Variants in MTA3 observed in about 807,000 individuals in gnomAD.
The protein encoded by MTA3 is metastasis-associated protein MTA3.
MTA3 carries 34 observed loss-of-function variants against 83.5 expected under a neutral mutation model. That is an observed-to-expected ratio of 0.41 (90% CI 0.31 to 0.54). The LOEUF is 0.54. MTA3 is among the 20% of genes least tolerant of loss of function. The pLI, the probability that MTA3 is intolerant of heterozygous loss-of-function variation, is 0.33. For missense variants in MTA3, 761 were observed against 726.4 expected (o/e 1.05, Z -0.55); for synonymous variants, 303 against 252.7 (o/e 1.20, Z -1.89).
intron 9 of MTA3, among the ~76,000 whole-genome samples, chr2:42,687,392 A>G (rs572733895): frequency 6.6e-6 from 1 of 152,264 alleles, no homozygotes; most frequent in Admixed American, 6.5e-5. Flanking sequence ...TCAGTCGTTC[A>G]TTTTCACTGC....
chr2:42,494,354 G>T (rs1378059733), upstream of MTA3, among the ~76,000 whole-genome samples: 1 of 152,194 alleles, frequency 6.6e-6, no homozygotes, highest in Non-Finnish European at 1.5e-5. Context: ...CTGGTTCAAA[G>T]CCCAGTGTGG....
intron 2 of MTA3, among the ~76,000 whole-genome samples, chr2:42,556,856 C>T (rs1241878673): frequency 6.6e-6 from 1 of 152,012 alleles, no homozygotes; most frequent in African/African-American, 2.4e-5. Flanking sequence ...CTTCAGGGCC[C>T]GTTAGAAAAG....
At chr2:42,507,323 G>A (rs766730091) in intron 2 of MTA3, among the ~76,000 whole-genome samples, 1 of 151,776 alleles carries the variant, frequency 6.6e-6, no homozygotes. Flanking sequence ...GGGCATGCAT[G>A]ACCACACCCA....
intron 16 of MTA3, among the ~76,000 whole-genome samples, chr2:42,752,002 A>C (rs192543188): frequency 1.2e-4 from 18 of 152,306 alleles, no homozygotes; most frequent in African/African-American, 4.3e-4. Flanking sequence ...GTCTACATTC[A>C]AATCTTGACT....
Position 42,716,519 on chromosome 2 carries a change from C to T in MTA3, c.1526-2469C>T, listed in dbSNP as rs183518485. 3.7e-3 allele frequency among the ~76,000 whole-genome samples: 567 copies of T among 152,238 alleles called. 4 individuals are homozygous for T. The highest frequency in any genetic ancestry group is 0.012 in the African/African-American group (501 of 41,544). Reference sequence around the variant, plus strand: ...CCAATAGGCCCCAGTGTCTGTTGCTCCCCTCTGTGCATCCATGAGTTCTCA... The same window carrying T: ...CCAATAGGCCCCAGTGTCTGTTGCTTCCCTCTGTGCATCCATGAGTTCTCA... On this transcript the variant is annotated intron_variant, in intron 14 of 16. Coordinates refer to ENST00000405094, the MANE Select transcript of MTA3 (RefSeq NM_001330442.2).
chr2:42,716,540 T>C (rs1367045108), intron 14 of MTA3, among the ~76,000 whole-genome samples: 2 of 152,176 alleles, frequency 1.3e-5, no homozygotes, highest in Non-Finnish European at 2.9e-5. Flanking sequence ...ATCCATGAGT[T>C]CTCATCATTT....
chr2:42,665,998 C>G (rs1159164643), intron 8 of MTA3, among the ~76,000 whole-genome samples: 12 of 152,188 alleles, frequency 7.9e-5, no homozygotes, highest in Admixed American at 7.2e-4. Flanking sequence ...TAACTGTTGG[C>G]CAGGTGCCGT....
chr2:42,675,442 T>A (rs1240426036), intron 8 of MTA3, among the ~76,000 whole-genome samples: 2 of 152,098 alleles, frequency 1.3e-5, no homozygotes, highest in African/African-American at 4.8e-5. Context: ...GCCTCAAAAT[T>A]CTTTTTCTTA....
rs1173783991 is a variant in MTA3, at chr2:42,577,091, T to TAAA, written c.97-2003_97-2001dup. ...CCTGGCAACAGAATGGTACTCCATC[T>TAAA]AAAAAAAAAAAAAAATATATATATA... is the stretch of plus-strand genomic sequence containing the variant. On this transcript the variant is annotated intron_variant, in intron 2 of 16. Transcript: ENST00000405094. 8.1e-3 allele frequency among the ~76,000 whole-genome samples: 156 copies of TAAA among 19,178 alleles called. 1 individual carries two copies. The highest frequency in any genetic ancestry group is 0.071 in the Middle Eastern group (1 of 14). The allele number at this position is 19,178 out of a possible 152,430, so 12.6% of individuals were successfully genotyped here.
At chr2:42,572,890 G>C (rs2103840958) in intron 2 of MTA3, among the ~76,000 whole-genome samples, 1 of 152,146 alleles carries the variant, frequency 6.6e-6, no homozygotes, top group East Asian at 1.9e-4. Flanking sequence ...ACCATGCCTG[G>C]CTGTTTTTTG....
At chr2:42,726,361 T>C (rs574876929) in intron 16 of MTA3, among the ~76,000 whole-genome samples, 5 of 152,136 alleles carry the variant, frequency 3.3e-5, no homozygotes, top group African/African-American at 9.6e-5. Flanking sequence ...TTTTTAATTT[T>C]ATTATTATTG....
intron 16 of MTA3, among the ~76,000 whole-genome samples, chr2:42,748,617 C>T (rs903066049): frequency 6.6e-6 from 1 of 152,140 alleles, no homozygotes; most frequent in Non-Finnish European, 1.5e-5. Flanking sequence ...GATTCTTTAG[C>T]GTATTTATAG....
At chr2:42,513,532 G>A (rs573419954) in intron 2 of MTA3, among the ~76,000 whole-genome samples, 46 of 152,282 alleles carry the variant, frequency 3.0e-4, no homozygotes, top group African/African-American at 9.9e-4. Flanking sequence ...CAATAGTGAG[G>A]CCACATCTAA....
intron 9 of MTA3, among the ~76,000 whole-genome samples, chr2:42,694,435 A>G (rs895900701): frequency 6.6e-6 from 1 of 152,042 alleles, no homozygotes; most frequent in Non-Finnish European, 1.5e-5. Context: ...TCAAGTTCCA[A>G]CCGATAGGAT....
intron 2 of MTA3, among the ~76,000 whole-genome samples, chr2:42,577,733 A>C (rs995372793): frequency 6.6e-6 from 1 of 151,856 alleles, no homozygotes; most frequent in African/African-American, 2.4e-5. Context: ...CCCACCTTGG[A>C]CTCCCAAAGT....
chr2:42,557,228 G>A (rs1345373112), intron 2 of MTA3, among the ~76,000 whole-genome samples: 1 of 151,866 alleles, frequency 6.6e-6, no homozygotes, highest in East Asian at 1.9e-4. Context: ...GGGAGGAGCC[G>A]AGATCGCGCC....
chr2:42,724,605 C>G (rs192021970), intron 16 of MTA3, among the ~76,000 whole-genome samples: 1 of 149,266 alleles, frequency 6.7e-6, no homozygotes, highest in East Asian at 2.0e-4. Flanking sequence ...GATCATGCCA[C>G]TGCACTCCAG....
intron 16 of MTA3, among the ~76,000 whole-genome samples, chr2:42,728,065 A>G (rs533559314): frequency 6.6e-6 from 1 of 152,230 alleles, no homozygotes; most frequent in Non-Finnish European, 1.5e-5. Flanking sequence ...ATCTAACTAT[A>G]TTTTTGTACC....
intron 3 of MTA3, among the ~76,000 whole-genome samples, chr2:42,582,279 C>T (rs920820237): frequency 3.9e-5 from 6 of 152,146 alleles, no homozygotes; most frequent in Admixed American, 2.0e-4. Context: ...AGGATGGTCT[C>T]GATCTCCTGA....
Sources: allele counts gnomAD v4.1 joint callset (sites outside exome capture counted in the v4.1 genomes callset), GRCh38; gene constraint gnomAD v4.1.1; transcripts MANE v1.5; gene names NCBI Gene and HGNC (gene_info 2026-07-23, HGNC 2026-07-21).